The following TMTC1 variants were observed in gnomAD, a reference collection of about 807,000 sequenced individuals.
The protein encoded by TMTC1 is transmembrane O-mannosyltransferase targeting cadherins 1.
TMTC1 carries 73 observed loss-of-function variants against 104.8 expected under a neutral mutation model. The observed-to-expected ratio is 0.70, with a 90% CI of 0.58 to 0.85. The LOEUF (loss-of-function observed/expected upper bound fraction) is 0.85, where lower values mean the gene tolerates loss of function less well. TMTC1 is among the 40% of genes least tolerant of loss of function. TMTC1 has a pLI of 0.00. For missense variants in TMTC1, 1,035 were observed against 1,096.1 expected, an observed-to-expected ratio of 0.94 and a Z score of 0.79; for synonymous variants, 434 against 428.7, an observed-to-expected ratio of 1.01 and a Z score of -0.15.
At chr12:29,756,014 T>C (rs1409490051) in intron 3 of TMTC1, 129 bp from the exon 4 acceptor site, 6 of 955,124 alleles carry the variant, frequency 6.3e-6, no homozygotes, top group Middle Eastern at 2.2e-4. Flanking sequence ...TAAGTAGAGA[T>C]TTCTTAAAGA....
At chr12:29,739,745 G>A (rs1411663144) in intron 5 of TMTC1, among the ~76,000 whole-genome samples, 1 of 151,818 alleles carries the variant, frequency 6.6e-6, no homozygotes, top group African/African-American at 2.4e-5. Flanking sequence ...GTCTTGCTCT[G>A]TTGCCCAGGC....
At chr12:29,515,758 T>TG (rs1400333236) in intron 15 of TMTC1, among the ~76,000 whole-genome samples, 20 of 151,116 alleles carry the variant, frequency 1.3e-4, no homozygotes, top group Admixed American at 1.3e-3. Context: ...AGTGACTTTT[T>TG]TTTTTTTTTT....
intron 5 of TMTC1, among the ~76,000 whole-genome samples, chr12:29,737,214 C>G (rs1342236808): frequency 6.6e-6 from 1 of 152,174 alleles, no homozygotes; most frequent in East Asian, 1.9e-4. Context: ...AGAGCAGCAG[C>G]ACCCAACATG....
At chr12:29,665,263 AC>A (rs1427238052) in intron 5 of TMTC1, among the ~76,000 whole-genome samples, 1 of 152,208 alleles carries the variant, frequency 6.6e-6, no homozygotes, top group Admixed American at 6.5e-5. Flanking sequence ...AAACAGTTGA[AC>A]ATTAATCGAG....
chr12:29,743,388 T>C (rs1942875994), intron 5 of TMTC1, among the ~76,000 whole-genome samples: 1 of 152,186 alleles, frequency 6.6e-6, no homozygotes, highest in Non-Finnish European at 1.5e-5. Flanking sequence ...ACTCATAATG[T>C]TGATCATGAT....
chr12:29,775,414 C>G (rs1197891932), intron 1 of TMTC1, among the ~76,000 whole-genome samples: 1 of 152,086 alleles, frequency 6.6e-6, no homozygotes, highest in Non-Finnish European at 1.5e-5. Context: ...ATAATCAGGG[C>G]CTCCCACAAC....
At chr12:29,609,185 C>T (rs1173066392) in intron 6 of TMTC1, among the ~76,000 whole-genome samples, 1 of 152,084 alleles carries the variant, frequency 6.6e-6, no homozygotes, top group Non-Finnish European at 1.5e-5. Context: ...CAAGTATGTT[C>T]ACATGATTCT....
intron 10 of TMTC1, among the ~76,000 whole-genome samples, chr12:29,541,888 A>C (rs1246144554): frequency 6.6e-6 from 1 of 151,726 alleles, no homozygotes; most frequent in African/African-American, 2.4e-5. Context: ...CAATCTCTTG[A>C]CCTCGTGATC....
chr12:29,536,004 A>G, intron 11 of TMTC1: 1 of 552,502 alleles, frequency 1.8e-6, no homozygotes, highest in South Asian at 2.3e-5. Flanking sequence ...ATAACGGACC[A>G]TCTTTGTCTA....
At chr12:29,739,570 G>A (rs935693951) in intron 5 of TMTC1, among the ~76,000 whole-genome samples, 2 of 151,920 alleles carry the variant, frequency 1.3e-5, no homozygotes, top group African/African-American at 4.8e-5. Context: ...ATCCATGCTG[G>A]GCCAACAAGT....
intron 15 of TMTC1, among the ~76,000 whole-genome samples, chr12:29,514,945 G>A (rs908404356): frequency 6.6e-6 from 1 of 152,188 alleles, no homozygotes; most frequent in Admixed American, 6.5e-5. Context: ...GCCCTGGGAG[G>A]TGGACCTTGT....
chr12:29,780,855 T>C (rs1035993457), intron 1 of TMTC1, among the ~76,000 whole-genome samples: 3 of 152,224 alleles, frequency 2.0e-5, no homozygotes, highest in Admixed American at 2.0e-4. Context: ...AAAAAAGTTT[T>C]TAAAACGGGT....
intron 5 of TMTC1, chr12:29,661,313 C>A (rs1454459090): frequency 3.2e-6 from 3 of 949,160 alleles, no homozygotes; most frequent in Non-Finnish European, 3.8e-6. Context: ...AGTTTATTTA[C>A]CTACTTAATA....
At chr12:29,613,206 C>T (rs1322650155) in intron 6 of TMTC1, among the ~76,000 whole-genome samples, 2 of 152,094 alleles carry the variant, frequency 1.3e-5, no homozygotes, top group African/African-American at 4.8e-5. Context: ...GATATGTGTC[C>T]ATGTGCATTG....
At chr12:29,746,747 A>G (rs1466046398) in intron 5 of TMTC1, among the ~76,000 whole-genome samples, 1 of 152,072 alleles carries the variant, frequency 6.6e-6, no homozygotes, top group Non-Finnish European at 1.5e-5. Flanking sequence ...TAGTTTTTTT[A>G]TTTGTACACC....
At chr12:29,545,834 A>G (rs1381163224) in intron 10 of TMTC1, among the ~76,000 whole-genome samples, 2 of 152,172 alleles carry the variant, frequency 1.3e-5, no homozygotes, top group Non-Finnish European at 2.9e-5. Flanking sequence ...GCTGATGATA[A>G]TTAATAATAG....
intron 7 of TMTC1, among the ~76,000 whole-genome samples, chr12:29,587,271 C>G (rs538251939): frequency 6.6e-6 from 1 of 152,080 alleles, no homozygotes; most frequent in East Asian, 1.9e-4. Flanking sequence ...TCTGTGAGAT[C>G]GGTGGTGATA....
intron 6 of TMTC1, among the ~76,000 whole-genome samples, chr12:29,622,761 T>C (rs1937743242): frequency 6.6e-6 from 1 of 152,182 alleles, no homozygotes; most frequent in Non-Finnish European, 1.5e-5. Context: ...TAAATTCAAA[T>C]GCCTTTCTAG....
chr12:29,727,507 G>T (rs1942427768), intron 5 of TMTC1, among the ~76,000 whole-genome samples: 1 of 152,034 alleles, frequency 6.6e-6, no homozygotes, highest in Non-Finnish European at 1.5e-5. Context: ...CTCTCAAGTA[G>T]CTGGGACTAC....
Sources: allele counts gnomAD v4.1 joint callset (sites outside exome capture counted in the v4.1 genomes callset), GRCh38; gene constraint gnomAD v4.1.1; transcripts MANE v1.5; gene names NCBI Gene and HGNC (gene_info 2026-07-23, HGNC 2026-07-21).